The following PPM1A variants were observed in gnomAD, a reference collection of about 807,000 sequenced individuals.
PPM1A encodes the protein protein phosphatase, Mg2+/Mn2+ dependent 1A, also known as protein phosphatase 1A.
In PPM1A, 7 loss-of-function variants were observed where a neutral mutation model predicts 35.0. The ratio of observed to expected loss-of-function variants is 0.20; its 90% confidence interval spans 0.11 to 0.38. The LOEUF is 0.38. Among genes scored for constraint, PPM1A ranks in the 10% least tolerant of loss-of-function variants. The probability of loss-of-function intolerance (pLI) is 1.00; values close to 1 mark genes in which losing one functional copy is unlikely to be tolerated. For missense variants in PPM1A, 239 were observed against 467.8 expected (o/e 0.51, Z 4.51); for synonymous variants, 153 against 167.3 (o/e 0.91, Z 0.66).
In PPM1A at chr14:60,249,645, G is replaced by T; in HGVS notation, c.-53G>T. On this transcript the variant is annotated 5_prime_UTR_variant, in exon 1 of 6. Coordinates refer to ENST00000395076, the MANE Select transcript of PPM1A (RefSeq NM_021003.5). This position sits in a 1 kb window ranked among gnomAD's most constrained non-coding sequence, Gnocchi z 4.5. The stretch of plus-strand genomic sequence containing the variant: ...GGCTGCCGCCGCCGCCGCCTCGGCC[G>T]ACCAGGGACCTGCCCGCCTGCGGCT... 3.1e-6 allele frequency: 3 copies of T among 983,578 alleles called. No individual in the cohort carries two copies. The South Asian group carries it at 1.4e-4, about 46-fold the overall frequency. The allele number at this position is 983,578 out of a possible 1,614,324, so 60.9% of individuals were successfully genotyped here.
At chr14:60,253,631 TTTC>T (rs1226307813) in intron 1 of PPM1A, among the ~76,000 whole-genome samples, 1 of 152,306 alleles carries the variant, frequency 6.6e-6, no homozygotes, top group East Asian at 1.9e-4. Flanking sequence ...AGACTAATGT[TTTC>T]TTCTAAAACA....
chr14:60,260,885 C>T (rs1289461406), intron 1 of PPM1A, among the ~76,000 whole-genome samples: 1 of 152,020 alleles, frequency 6.6e-6, no homozygotes, highest in Non-Finnish European at 1.5e-5. Context: ...TCTTGTCTGA[C>T]CGGGAAAAAG....
chr14:60,247,810 G>C (rs1274960031), upstream of PPM1A, among the ~76,000 whole-genome samples: 2 of 151,984 alleles, frequency 1.3e-5, no homozygotes, highest in Admixed American at 1.3e-4. Flanking sequence ...TGGTTTAGGA[G>C]ATAGAAAGTA....
At chr14:60,247,402 G>C (rs1881851955), upstream of PPM1A, among the ~76,000 whole-genome samples, 1 of 151,974 alleles carries the variant, frequency 6.6e-6, no homozygotes, top group South Asian at 2.1e-4. Context: ...GGCCGAGGAG[G>C]GTGGATCACG....
At chr14:60,275,712 T>G (rs973985934) in intron 1 of PPM1A, among the ~76,000 whole-genome samples, 5 of 152,114 alleles carry the variant, frequency 3.3e-5, no homozygotes, top group African/African-American at 2.4e-5. Flanking sequence ...CCTCAAGTGG[T>G]CCTCCCACCT....
At chr14:60,287,263 A>G in intron 3 of PPM1A, 8 of 969,904 alleles carry the variant, frequency 8.2e-6, no homozygotes, top group Non-Finnish European at 8.6e-6. Flanking sequence ...TAAGTTTTAT[A>G]TTTCTTATTA....
In PPM1A at chr14:60,290,472, A is replaced by T. The variant is rs142320503; in HGVS notation, c.1061+558A>T. Among the ~76,000 whole-genome samples, 615 of 152,272 alleles carry T rather than the reference A, an allele frequency of 4.0e-3. 2 individuals are homozygous for T. Among genetic ancestry groups the T allele is most frequent in the Non-Finnish European group, 5.9e-3 (398 of 68,020 alleles). On this transcript the variant is annotated intron_variant, in intron 4 of 5. Transcript: ENST00000395076. Reference sequence around the variant, plus strand: ...ATAGAATTGGACTACTTTGTGTTAAATATTAAGCTTACACCTTTACATAAT... The same window carrying T: ...ATAGAATTGGACTACTTTGTGTTAATTATTAAGCTTACACCTTTACATAAT...
Position 60,282,833 on chromosome 14 carries a change from A to G in PPM1A, c.130A>G (p.Ile44Val), listed in dbSNP as rs199565515. The G allele has an allele frequency of 6.2e-7, 1 of 1,614,108 alleles. No individual in the cohort carries two copies. Among genetic ancestry groups the G allele is most frequent in the Non-Finnish European group, 8.5e-7 (1 of 1,180,064 alleles). ...AATGGAGGATGCACATACGGCTGTGATCGGTTTGCCAAGTGGACTTGAATC... is the reference window on the plus strand; with the variant it reads ...AATGGAGGATGCACATACGGCTGTGGTCGGTTTGCCAAGTGGACTTGAATC... ...VEMEDAHTAV[I>V]GLPSGLESWS... Residue 44 changes from isoleucine to valine, a missense_variant, in exon 2 of 6, where the codon ATC becomes GTC. This residue lies in a region of PPM1A where 175 missense variants were observed against 389.2 expected (regional missense o/e 0.45). Transcript: ENST00000395076. The surrounding 1 kb of genome is among the most constrained non-coding windows in gnomAD (Gnocchi z 5.1).
chr14:60,288,455 A>T (rs1887270157), intron 3 of PPM1A: 3 of 983,860 alleles, frequency 3.0e-6, no homozygotes, highest in Non-Finnish European at 3.6e-6. Context: ...TAAACATCAA[A>T]TCCCTTTATT....
At position 60,282,935 on chromosome 14, in the gene PPM1A, C is replaced by T. The variant is rs559528140; in HGVS notation, c.232C>T (p.His78Tyr). 6.8e-6 allele frequency: 11 copies of T among 1,614,204 alleles called. No homozygotes were observed. The highest frequency in any genetic ancestry group is 9.3e-6 in the Non-Finnish European group (11 of 1,180,048). ...AKYCCEHLLD[H>Y]ITNNQDFKGS... ...ATACTGCTGTGAGCATTTGTTAGAT[C>T]ACATCACCAATAACCAGGATTTTAA... is the stretch of plus-strand genomic sequence containing the variant. Residue 78 changes from histidine to tyrosine, a missense_variant, in exon 2 of 6, where the codon CAC (histidine) becomes TAC (tyrosine). By Grantham distance (83) the His-to-Tyr change is moderately conservative. Coordinates refer to ENST00000395076, the MANE Select transcript of PPM1A (RefSeq NM_021003.5). This position sits in a 1 kb window ranked among gnomAD's most constrained non-coding sequence, Gnocchi z 5.1.
rs759864135 is a variant in PPM1A, at chr14:60,291,474, C to T, written c.1119+20C>T. ...GACACTGTAAGTAGCATTTTAGCTC[C>T]CTCTGCTTTCCCTTCCCCTCCACTC... On this transcript the variant is annotated intron_variant, in intron 5 of 5. Coordinates refer to ENST00000395076, the MANE Select transcript of PPM1A (RefSeq NM_021003.5). The T allele has an allele frequency of 7.8e-6, 12 of 1,547,130 alleles. No individual in the cohort carries two copies. Among genetic ancestry groups the T allele is most frequent in the African/African-American group, 4.1e-5 (3 of 72,656 alleles).
rs1882139644 is a variant in PPM1A at position 60,249,875 on chromosome 14, G to T, written c.-21+198G>T. 6.6e-6 allele frequency among the ~76,000 whole-genome samples: 1 copy of T among 151,620 alleles called. No individual in the cohort carries two copies. On this transcript the variant is annotated intron_variant, in intron 1 of 5. Coordinates refer to ENST00000395076, the MANE Select transcript of PPM1A (RefSeq NM_021003.5). The surrounding 1 kb of genome is among the most constrained non-coding windows in gnomAD (Gnocchi z 4.5). ...GGACGGCGAGGGGTTAACGCTCGGC[G>T]AGGGCGGTGGCGGGGAGGCGGGGGC...
chr14:60,287,316 C>T, intron 3 of PPM1A: 1 of 983,832 alleles, frequency 1.0e-6, no homozygotes, highest in Non-Finnish European at 1.2e-6. Flanking sequence ...CATTGATACT[C>T]AATATTTTTG....
Position 60,278,511 on chromosome 14 carries a change from T to C in PPM1A, c.-20-4173T>C, listed in dbSNP as rs143260955. Among the ~76,000 whole-genome samples the C allele has an allele frequency of 2.6e-5, 4 of 152,326 alleles. No homozygotes were observed. In the East Asian group the frequency reaches 7.7e-4, roughly 29 times the overall value. The stretch of plus-strand genomic sequence containing the variant: ...AAGTCCAGGAAACACCACCTGCAGA[T>C]ACAGTTGTATCCCATTGTTAGACCC... On this transcript the variant is annotated intron_variant, in intron 1 of 5. Transcript: ENST00000395076.
intron 1 of PPM1A, among the ~76,000 whole-genome samples, chr14:60,268,918 G>A (rs893845627): frequency 6.7e-6 from 1 of 149,830 alleles, no homozygotes; most frequent in East Asian, 1.9e-4. Flanking sequence ...TAATTCAGAT[G>A]TGTCATTTCA....
At position 60,280,350 on chromosome 14, in the gene PPM1A, A is replaced by G. The variant is rs1179856610; in HGVS notation, c.-20-2334A>G. The stretch of plus-strand genomic sequence containing the variant: ...GGAACAGATGGAGAAAGAGATTCGG[A>G]AAGGTTCAGTAGTCACACTATTACT... On this transcript the variant is annotated intron_variant, in intron 1 of 5. Coordinates refer to ENST00000395076, the MANE Select transcript of PPM1A (RefSeq NM_021003.5). Among the ~76,000 whole-genome samples the G allele has an allele frequency of 3.9e-5, 6 of 152,216 alleles. No homozygotes were observed. In the East Asian group the frequency reaches 1.2e-3, roughly 29 times the overall value.
At chr14:60,253,292 C>T (rs1478484200) in intron 1 of PPM1A, among the ~76,000 whole-genome samples, 1 of 152,120 alleles carries the variant, frequency 6.6e-6, no homozygotes, top group African/African-American at 2.4e-5. Context: ...CTTCTAGATA[C>T]AGAAGAACGT....
At chr14:60,286,981 A>G (rs1171756856) in intron 3 of PPM1A, 6 of 881,140 alleles carry the variant, frequency 6.8e-6, no homozygotes, top group Non-Finnish European at 8.2e-6. Context: ...TTAGAATGCT[A>G]CAATCATTGG....
At chr14:60,251,252 AT>A (rs1011603273) in intron 1 of PPM1A, among the ~76,000 whole-genome samples, 4 of 152,362 alleles carry the variant, frequency 2.6e-5, no homozygotes, top group African/African-American at 7.2e-5. Context: ...ATCATAAAAC[AT>A]TTTTAGATCG....
Sources: allele counts gnomAD v4.1 joint callset (sites outside exome capture counted in the v4.1 genomes callset), GRCh38; gene constraint gnomAD v4.1.1; regional missense constraint gnomAD v4.1.1; non-coding constraint Gnocchi (gnomAD v3.1); transcripts MANE v1.5; gene names NCBI Gene and HGNC (gene_info 2026-07-23, HGNC 2026-07-21).